Variants in NCOA3 observed in about 807,000 individuals in gnomAD.
NCOA3 encodes CBP-interacting protein.
NCOA3 carries 51 observed loss-of-function variants against 158.8 expected under a neutral mutation model. The observed-to-expected ratio is 0.32, with a 90% CI of 0.26 to 0.41. The LOEUF (loss-of-function observed/expected upper bound fraction) is 0.41. Ranked by LOEUF, NCOA3 falls within the 10% of genes least tolerant of loss-of-function variation. NCOA3 has a pLI of 1.00. For missense variants in NCOA3, 1,510 were observed against 1,746.6 expected (o/e 0.86, Z 2.41); for synonymous variants, 537 against 592.4 (o/e 0.91, Z 1.36).
At chr20:47,612,526 G>T (rs1483838074) in intron 2 of NCOA3, among the ~76,000 whole-genome samples, 1 of 152,094 alleles carries the variant, frequency 6.6e-6, no homozygotes, top group Admixed American at 6.6e-5. Flanking sequence ...AAAAATTAGT[G>T]ACTTAAGGTT....
chr20:47,541,956 C>T (rs751269434), intron 1 of NCOA3, among the ~76,000 whole-genome samples: 11 of 138,256 alleles, frequency 8.0e-5, no homozygotes, highest in Non-Finnish European at 1.4e-4. Flanking sequence ...TATAGGTTTT[C>T]TCTTCATCTC....
rs368288619 is a variant in NCOA3 at position 47,519,952 on chromosome 20, C to T, written c.-99+17933C>T. Among the ~76,000 whole-genome samples the T allele has an allele frequency of 7.4e-5, 11 of 148,790 alleles. No individual in the cohort carries two copies. The South Asian group carries it at 8.6e-4, about 12-fold the overall frequency. ...CTAATATTTGTATTTTTAGTAGAAC[C>T]GGGGTTTCACCATGTTGGTCAGGCT... On this transcript the variant is annotated intron_variant, in intron 1 of 22. Transcript: ENST00000371998.
At chr20:47,608,922 C>A (rs2085999293) in intron 2 of NCOA3, among the ~76,000 whole-genome samples, 1 of 152,126 alleles carries the variant, frequency 6.6e-6, no homozygotes, top group Non-Finnish European at 1.5e-5. Context: ...GAGGTCTGAG[C>A]TAACCAATCT....
At position 47,653,548 on chromosome 20, in the gene NCOA3, T is replaced by A; in HGVS notation, c.*131T>A. The A allele has an allele frequency of 1.9e-6, 2 of 1,074,738 alleles. No homozygotes were observed. Among genetic ancestry groups the A allele is most frequent in the Middle Eastern group, 2.0e-4 (1 of 4,892 alleles). The allele number at this position is 1,074,738 out of a possible 1,614,324, so 66.6% of individuals were successfully genotyped here. A position where few individuals can be genotyped will look rare whatever the true frequency, so the allele number is the denominator to read the frequency against. ...CCAGCTTTGAGCTCCATCAAGGGTA[T>A]TTTAAGTGATGTCATTTGAGCAGGA... On this transcript the variant is annotated 3_prime_UTR_variant, in exon 23 of 23. Transcript: ENST00000371998.
At chr20:47,515,272 C>T (rs1199752101) in intron 1 of NCOA3, among the ~76,000 whole-genome samples, 1 of 151,716 alleles carries the variant, frequency 6.6e-6, no homozygotes, top group African/African-American at 2.4e-5. Context: ...AAACAATTCT[C>T]CTGCCTCAGC....
intron 3 of NCOA3, 103 bp downstream of exon 3, chr20:47,622,433 G>A (rs1422976041): frequency 3.9e-6 from 3 of 772,626 alleles, no homozygotes; most frequent in Non-Finnish European, 6.1e-6. Context: ...AGATTTTTTG[G>A]TGGTTTCACT....
chr20:47,650,827 C>T lies in NCOA3; in HGVS notation c.3652-155C>T, dbSNP rs112222513. On this transcript the variant is annotated intron_variant, in intron 19 of 22. Coordinates refer to ENST00000371998, the MANE Select transcript of NCOA3 (RefSeq NM_181659.3). The stretch of plus-strand genomic sequence containing the variant: ...GCTGTGAGGCGAGATTGTGCCACTG[C>T]GCTCCAGCCTGGGCGACAGAGTGAG... Among the ~76,000 whole-genome samples the T allele has an allele frequency of 6.9e-3, 1,055 of 151,906 alleles. 20 individuals carry two copies. The highest frequency in any genetic ancestry group is 0.024 in the African/African-American group (1,005 of 41,396).
intron 4 of NCOA3, among the ~76,000 whole-genome samples, chr20:47,624,988 G>A (rs918906258): frequency 6.6e-6 from 1 of 152,084 alleles, no homozygotes; most frequent in African/African-American, 2.4e-5. Flanking sequence ...GGCCAGGCTG[G>A]TCTCAAACTC....
chr20:47,605,543 C>T (rs2146267131), intron 2 of NCOA3, among the ~76,000 whole-genome samples: 1 of 151,724 alleles, frequency 6.6e-6, no homozygotes, highest in African/African-American at 2.4e-5. Context: ...CTTTTTTCAC[C>T]TTCCTTTCAT....
At chr20:47,515,426 T>C (rs1220687544) in intron 1 of NCOA3, among the ~76,000 whole-genome samples, 2 of 151,216 alleles carry the variant, frequency 1.3e-5, no homozygotes, top group African/African-American at 4.9e-5. Flanking sequence ...TCCAAAGTGC[T>C]GGAAATACAG....
rs149496457 is a variant in NCOA3, at chr20:47,619,793, T to G, written c.-19-2436T>G. Among the ~76,000 whole-genome samples, 772 of 152,202 alleles carry G rather than the reference T, an allele frequency of 5.1e-3. 5 individuals are homozygous for G. The highest frequency in any genetic ancestry group is 0.015 in the African/African-American group (634 of 41,524). On this transcript the variant is annotated intron_variant, in intron 2 of 22. Coordinates refer to ENST00000371998, the MANE Select transcript of NCOA3 (RefSeq NM_181659.3). ...TGTACTTAAGGAATGGAATCACTAT[T>G]CTTTTTATTTTTATTTTTTGAGATG...
At chr20:47,619,836 C>G (rs1382445923) in intron 2 of NCOA3, among the ~76,000 whole-genome samples, 7 of 152,088 alleles carry the variant, frequency 4.6e-5, no homozygotes, top group African/African-American at 1.4e-4. Context: ...ACTCTGTTAC[C>G]CAGGCCTGGA....
At chr20:47,589,400 G>A (rs2085588895) in intron 2 of NCOA3, among the ~76,000 whole-genome samples, 1 of 151,774 alleles carries the variant, frequency 6.6e-6, no homozygotes, top group Non-Finnish European at 1.5e-5. Flanking sequence ...TTTTGAGATA[G>A]AGTCTCGCTC....
At chr20:47,596,938 A>G (rs902975002) in intron 2 of NCOA3, among the ~76,000 whole-genome samples, 9 of 152,178 alleles carry the variant, frequency 5.9e-5, no homozygotes, top group African/African-American at 1.9e-4. Flanking sequence ...TTCTTGTTTT[A>G]TTAGCTAAGT....
chr20:47,638,845 T>C (rs897281653), intron 13 of NCOA3, among the ~76,000 whole-genome samples, 163 bp from the exon 14 acceptor site: 3 of 122,262 alleles, frequency 2.5e-5, no homozygotes, highest in African/African-American at 9.2e-5. Context: ...GGGGTGGCGG[T>C]GGTGGGTGAG....
Position 47,636,687 on chromosome 20 carries a change from T to C in NCOA3, c.2301T>C (p.Ser767=). The change falls in exon 12 of 23, where the codon AGT becomes AGC. Residue 767 remains serine, a synonymous_variant. Coordinates refer to ENST00000371998, the MANE Select transcript of NCOA3 (RefSeq NM_181659.3). ...TGGAAGGAGTGGATAATAAAATGAG[T>C]CAGTGCACCAGCTCCACCATTCCTA... ...PQVEGVDNKM[S]QCTSSTIPSS... The C allele has an allele frequency of 6.2e-7, 1 of 1,613,964 alleles. No individual in the cohort carries two copies. Among genetic ancestry groups the C allele is most frequent in the South Asian group, 1.1e-5 (1 of 91,064 alleles).
chr20:47,607,468 C>T (rs1041198330), intron 2 of NCOA3, among the ~76,000 whole-genome samples: 1 of 152,164 alleles, frequency 6.6e-6, no homozygotes, highest in African/African-American at 2.4e-5. Flanking sequence ...ATAACTATTG[C>T]TCCCTAGCCC....
At position 47,514,761 on chromosome 20, in the gene NCOA3, G is replaced by A. The variant is rs373957328; in HGVS notation, c.-99+12742G>A. Reference sequence around the variant, plus strand: ...AGACAGAGTCTTGCTCTGTCACCCAGGCTAAAGAGCAGTGGTGCAATCTCA... The same window carrying A: ...AGACAGAGTCTTGCTCTGTCACCCAAGCTAAAGAGCAGTGGTGCAATCTCA... On this transcript the variant is annotated intron_variant, in intron 1 of 22. Transcript: ENST00000371998. Among the ~76,000 whole-genome samples the A allele has an allele frequency of 7.4e-5, 10 of 135,122 alleles. No individual in the cohort carries two copies. In the East Asian group the frequency reaches 1.9e-3, roughly 26 times the overall value. The allele number at this position is 135,122 out of a possible 152,430, so 88.6% of individuals were successfully genotyped here.
At chr20:47,539,526 C>T (rs2084688803) in intron 1 of NCOA3, among the ~76,000 whole-genome samples, 1 of 152,078 alleles carries the variant, frequency 6.6e-6, no homozygotes, top group Non-Finnish European at 1.5e-5. Context: ...TGAGCACACA[C>T]TGAATGGCAA....
Sources: gnomAD v4.1 joint callset for allele counts (sites outside exome capture counted in the v4.1 genomes callset) on GRCh38, gnomAD v4.1.1 for gene constraint, MANE v1.5 for transcripts, NCBI Gene and HGNC (gene_info 2026-07-23, HGNC 2026-07-21) for gene names.